Variants in SOX5 observed in about 807,000 individuals in gnomAD.
SOX5 encodes transcription factor SOX-5.
A neutral mutation model predicts 92.0 loss-of-function variants in SOX5; 9 were observed. That is an observed-to-expected ratio of 0.10 (90% CI 0.06 to 0.17). The LOEUF (loss-of-function observed/expected upper bound fraction) is 0.17, where lower values mean the gene tolerates loss of function less well. Among genes scored for constraint, SOX5 ranks in the 10% least tolerant of loss-of-function variants. The probability of loss-of-function intolerance (pLI) is 1.00; values close to 1 mark genes in which losing one functional copy is unlikely to be tolerated. For missense variants in SOX5, 642 were observed against 944.5 expected, an observed-to-expected ratio of 0.68 and a Z score of 4.20; for synonymous variants, 344 against 336.3, an observed-to-expected ratio of 1.02 and a Z score of -0.25.
chr12:24,006,438 G>T (rs531076403), intron 4 of SOX5, among the ~76,000 whole-genome samples: 12 of 152,092 alleles, frequency 7.9e-5, no homozygotes, highest in African/African-American at 2.6e-4. Flanking sequence ...TCTAAGGGAG[G>T]TACAGAACTT....
intron 3 of SOX5, among the ~76,000 whole-genome samples, chr12:23,800,631 G>T (rs976163326): frequency 6.6e-6 from 1 of 151,998 alleles, no homozygotes; most frequent in Non-Finnish European, 1.5e-5. Context: ...ATGAGGAACA[G>T]AAAATTTTAT....
intron 1 of SOX5, among the ~76,000 whole-genome samples, chr12:24,542,823 T>C (rs1178839357): frequency 6.6e-6 from 1 of 152,220 alleles, no homozygotes. Flanking sequence ...GTTTTAAAAC[T>C]AGAAAATTCT....
At chr12:23,682,272 A>G (rs938636412) in intron 6 of SOX5, among the ~76,000 whole-genome samples, 1 of 151,884 alleles carries the variant, frequency 6.6e-6, no homozygotes, top group Non-Finnish European at 1.5e-5. Context: ...GGAAATCTTC[A>G]TATTTTAAAA....
intron 2 of SOX5, among the ~76,000 whole-genome samples, chr12:24,339,756 T>A (rs1952359049): frequency 6.6e-6 from 1 of 152,200 alleles, no homozygotes; most frequent in South Asian, 2.1e-4. Flanking sequence ...ACAATGGTAA[T>A]CAGATGTAGG....
chr12:23,881,115 C>G (rs887708334), intron 2 of SOX5, among the ~76,000 whole-genome samples: 9 of 152,206 alleles, frequency 5.9e-5, no homozygotes, highest in African/African-American at 2.2e-4. Context: ...GCAGTTTCCC[C>G]AGATGAAGAG....
chr12:23,617,093 C>T lies in SOX5; in HGVS notation c.1018-12560G>A, dbSNP rs893080587. 3.4e-5 allele frequency among the ~76,000 whole-genome samples: 5 copies of T among 148,132 alleles called. No individual in the cohort carries two copies. The East Asian group carries it at 1.0e-3, about 30-fold the overall frequency. ...TGAGCTGTGATTGTGGCACTGCACT[C>T]CAGGCCTGGGCAATAGAACAAGACT... On this transcript the variant is annotated intron_variant, in intron 8 of 14. Transcript: ENST00000451604.
At chr12:23,998,821 A>G (rs1306795066) in intron 4 of SOX5, among the ~76,000 whole-genome samples, 5 of 151,216 alleles carry the variant, frequency 3.3e-5, no homozygotes, top group Non-Finnish European at 5.9e-5. Flanking sequence ...AAAAAAAAAA[A>G]AAAAGGGGGG....
chr12:23,745,406 T>G (rs10771022), intron 4 of SOX5, among the ~76,000 whole-genome samples: 88,664 of 151,930 alleles, frequency 0.58, 27,291 homozygotes, highest in East Asian at 0.81. Context: ...CAAAGTCATA[T>G]CATGTCAGAG....
At position 24,343,662 on chromosome 12, in the gene SOX5, AG is replaced by A. The variant is rs551087565; in HGVS notation, c.-174+24900del. ...TTCCATTATTATATCCCCAATCCCA[AG>A]GACAGTATAGGTACATAGCACATAA... On this transcript the variant is annotated intron_variant, in intron 2 of 4. Transcript: ENST00000446891. 1.5e-3 allele frequency among the ~76,000 whole-genome samples: 230 copies of A among 152,206 alleles called. 1 individual carries two copies. Among genetic ancestry groups the A allele is most frequent in the African/African-American group, 5.1e-3 (212 of 41,518 alleles).
intron 2 of SOX5, among the ~76,000 whole-genome samples, chr12:24,355,160 T>C (rs555913350): frequency 1.1e-4 from 17 of 152,116 alleles, no homozygotes; most frequent in African/African-American, 1.7e-4. Context: ...GCCAGATTCA[T>C]AGAGATCACT....
intron 1 of SOX5, among the ~76,000 whole-genome samples, chr12:24,428,922 T>C (rs1001317026): frequency 6.6e-6 from 1 of 152,054 alleles, no homozygotes; most frequent in African/African-American, 2.4e-5. Flanking sequence ...TTATTAAGTA[T>C]GTGATCTTGG....
intron 4 of SOX5, among the ~76,000 whole-genome samples, chr12:23,746,914 T>G (rs755452317): frequency 6.6e-6 from 1 of 152,086 alleles, no homozygotes; most frequent in African/African-American, 2.4e-5. Context: ...CTCACAAGAT[T>G]TGATGATTTT....
intron 2 of SOX5, among the ~76,000 whole-genome samples, chr12:24,359,834 A>T (rs1955321537): frequency 6.6e-6 from 1 of 152,180 alleles, no homozygotes; most frequent in Non-Finnish European, 1.5e-5. Flanking sequence ...CCTTGAAAAC[A>T]AAAAAGCTGT....
chr12:23,768,151 G>A (rs913994894), intron 3 of SOX5, among the ~76,000 whole-genome samples: 13 of 152,090 alleles, frequency 8.5e-5, no homozygotes, highest in Non-Finnish European at 1.6e-4. Flanking sequence ...TGAAACATAA[G>A]CAGTTAAAAA....
intron 8 of SOX5, among the ~76,000 whole-genome samples, chr12:23,615,974 C>T (rs959745924): frequency 6.6e-6 from 1 of 152,068 alleles, no homozygotes; most frequent in African/African-American, 2.4e-5. Flanking sequence ...AAAGGTAATA[C>T]ATATAGATAG....
intron 4 of SOX5, among the ~76,000 whole-genome samples, chr12:24,124,745 T>G (rs976510749): frequency 7.2e-5 from 11 of 152,162 alleles, no homozygotes; most frequent in African/African-American, 2.7e-4. Flanking sequence ...AAAATATTTC[T>G]CAAAGATAGC....
At chr12:23,536,363 G>A in intron 14 of SOX5, 90 bp downstream of exon 14, 1 of 1,003,672 alleles carries the variant, frequency 1.0e-6, no homozygotes, top group South Asian at 1.4e-5. Context: ...TTTTCAAAAT[G>A]TCTTTTTGCA....
intron 3 of SOX5, among the ~76,000 whole-genome samples, chr12:24,225,762 T>C (rs1444027896): frequency 6.6e-6 from 1 of 152,170 alleles, no homozygotes; most frequent in African/African-American, 2.4e-5. Flanking sequence ...TGGCAAATAA[T>C]TTGCATAGAT....
At chr12:24,109,717 A>G (rs1947103346) in intron 4 of SOX5, among the ~76,000 whole-genome samples, 1 of 152,222 alleles carries the variant, frequency 6.6e-6, no homozygotes, top group Non-Finnish European at 1.5e-5. Context: ...TTAGTTTTAA[A>G]CAACAACAAT....
Sources: allele counts gnomAD v4.1 joint callset (sites outside exome capture counted in the v4.1 genomes callset), GRCh38; gene constraint gnomAD v4.1.1; transcripts MANE v1.5; gene names NCBI Gene and HGNC (gene_info 2026-07-23, HGNC 2026-07-21).